The following SHISA9 variants were observed in gnomAD, a reference collection of about 807,000 sequenced individuals.
The protein encoded by SHISA9 is protein shisa-9.
Under a neutral mutation model 38.0 loss-of-function variants are expected in SHISA9, and 13 were observed. The ratio of observed to expected loss-of-function variants is 0.34; its 90% CI spans 0.22 to 0.54. SHISA9 has a LOEUF of 0.54. Among genes scored for constraint, SHISA9 ranks in the 20% least tolerant of loss-of-function variants. SHISA9 has a pLI of 0.91. For missense variants in SHISA9, 538 were observed against 575.8 expected (o/e 0.93, Z 0.67); for synonymous variants, 275 against 242.0 (o/e 1.14, Z -1.27).
the SHISA9 span, among the ~76,000 whole-genome samples, chr16:13,404,974 A>T: frequency 6.6e-6 from 1 of 152,130 alleles, no homozygotes; most frequent in Admixed American, 6.5e-5. Flanking sequence ...AATCCATTCA[A>T]ACGTTACCTC....
At chr16:13,281,784 C>A in the SHISA9 span, among the ~76,000 whole-genome samples, 3 of 151,230 alleles carry the variant, frequency 2.0e-5, no homozygotes, top group Non-Finnish European at 4.4e-5. Context: ...CTTTCTTTTT[C>A]CATTTTTTTC....
the SHISA9 span, among the ~76,000 whole-genome samples, chr16:13,371,625 A>T: frequency 6.6e-6 from 1 of 152,242 alleles, no homozygotes; most frequent in Admixed American, 6.5e-5. Flanking sequence ...AGGATAAAGA[A>T]AAAAGAGTAA....
intron 2 of SHISA9, among the ~76,000 whole-genome samples, chr16:13,175,305 C>A (rs1399409560): frequency 1.3e-5 from 2 of 152,170 alleles, no homozygotes; most frequent in Non-Finnish European, 2.9e-5. Context: ...GGGAGGATCG[C>A]TCAAGTCCAG....
the SHISA9 span, among the ~76,000 whole-genome samples, chr16:13,469,009 G>A: frequency 1.3e-5 from 2 of 151,892 alleles, no homozygotes; most frequent in Non-Finnish European, 2.9e-5. Flanking sequence ...TTGGGAGGCT[G>A]AGGCAGGTGG....
At chr16:13,377,027 T>C in the SHISA9 span, among the ~76,000 whole-genome samples, 3 of 152,116 alleles carry the variant, frequency 2.0e-5, no homozygotes, top group Admixed American at 2.0e-4. Context: ...GGAAAGTTAA[T>C]GAGAAAAAAA....
chr16:12,945,147 CCAGAG>C (rs1197950265), intron 2 of SHISA9, among the ~76,000 whole-genome samples: 1 of 152,126 alleles, frequency 6.6e-6, no homozygotes, highest in African/African-American at 2.4e-5. Flanking sequence ...TGTTTTTTAG[CCAGAG>C]CAAAGTTACC....
chr16:13,270,285 C>A, the SHISA9 span, among the ~76,000 whole-genome samples: 12 of 152,218 alleles, frequency 7.9e-5, no homozygotes, highest in Non-Finnish European at 1.3e-4. Context: ...TAGAATTCTA[C>A]AGACCCAACA....
chr16:13,117,099 A>G (rs894502609), intron 2 of SHISA9, among the ~76,000 whole-genome samples: 3 of 152,080 alleles, frequency 2.0e-5, no homozygotes, highest in African/African-American at 7.2e-5. Flanking sequence ...CAGCCTCCCG[A>G]GTAGCTGGGA....
the SHISA9 span, among the ~76,000 whole-genome samples, chr16:13,322,113 A>T: frequency 6.6e-6 from 1 of 152,246 alleles, no homozygotes; most frequent in Non-Finnish European, 1.5e-5. Context: ...TAATATTGCC[A>T]GCTACGTAGT....
At chr16:13,245,588 A>T in the SHISA9 span, among the ~76,000 whole-genome samples, 4 of 152,274 alleles carry the variant, frequency 2.6e-5, no homozygotes, top group South Asian at 8.3e-4. Context: ...ACCTCACAAA[A>T]TTGTGTTTTA....
intron 4 of SHISA9, among the ~76,000 whole-genome samples, chr16:13,216,419 T>C (rs188217294): frequency 1.3e-5 from 2 of 152,296 alleles, no homozygotes; most frequent in Admixed American, 6.5e-5. Context: ...TGGAAAGTAA[T>C]AAATGCATGC....
intron 3 of SHISA9, among the ~76,000 whole-genome samples, chr16:13,208,085 C>G (rs1247372113): frequency 6.6e-6 from 1 of 152,190 alleles, no homozygotes; most frequent in Non-Finnish European, 1.5e-5. Flanking sequence ...TCTAACTGTA[C>G]TTAGCTGGAT....
chr16:13,331,752 AT>A, the SHISA9 span: 1 of 152,034 alleles, frequency 6.6e-6, no homozygotes, highest in Non-Finnish European at 1.5e-5. Flanking sequence ...CAATGCCACC[AT>A]TTGTTTGCAG....
Position 13,238,815 on chromosome 16 carries a change from T to TTTG in SHISA9, c.*3408_*3409insGTT, listed in dbSNP as rs373980000. 2.2e-5 allele frequency: 3 copies of TTTG among 136,148 alleles called. No individual in the cohort carries two copies. The highest frequency in any genetic ancestry group is 4.7e-5 in the Non-Finnish European group (3 of 63,872). 8.4% of individuals were successfully genotyped at this position (136,148 alleles called of 1,614,324 possible). A position where few individuals can be genotyped will look rare whatever the true frequency, so the allele number is the denominator to read the frequency against. On this transcript the variant is annotated 3_prime_UTR_variant, in exon 5 of 5. Transcript: ENST00000558583. Reference sequence around the variant, plus strand: ...TTTTTTTTAATGTATCCATGGAGTATTTATTATTATTATTATTATTATTAT... The same window carrying TTTG: ...TTTTTTTTAATGTATCCATGGAGTATTTGTTATTATTATTATTATTATTATTAT...
chr16:13,424,357 C>T, the SHISA9 span, among the ~76,000 whole-genome samples: 2 of 152,216 alleles, frequency 1.3e-5, no homozygotes, highest in Non-Finnish European at 2.9e-5. Context: ...CAATGTTGCC[C>T]ACTTCTTGGC....
At chr16:13,299,916 G>A in the SHISA9 span, among the ~76,000 whole-genome samples, 5 of 152,222 alleles carry the variant, frequency 3.3e-5, no homozygotes, top group Admixed American at 6.5e-5. Flanking sequence ...ATACTCTATA[G>A]GGTGACGGTG....
At chr16:13,544,588 A>C in the SHISA9 span, among the ~76,000 whole-genome samples, 1 of 152,044 alleles carries the variant, frequency 6.6e-6, no homozygotes, top group Non-Finnish European at 1.5e-5. Context: ...ATTGCTAAGC[A>C]AAAGGAACAC....
At chr16:13,254,314 A>C in the SHISA9 span, among the ~76,000 whole-genome samples, 1 of 152,202 alleles carries the variant, frequency 6.6e-6, no homozygotes, top group Non-Finnish European at 1.5e-5. Flanking sequence ...ATCTGGTCCA[A>C]AACTTTCCAT....
chr16:13,497,814 C>T, the SHISA9 span, among the ~76,000 whole-genome samples: 1 of 151,638 alleles, frequency 6.6e-6, no homozygotes, highest in African/African-American at 2.4e-5. Context: ...GCACCAGTTA[C>T]CAGTGAAAGA....
Sources: gnomAD v4.1 joint callset for allele counts (sites outside exome capture counted in the v4.1 genomes callset) on GRCh38, gnomAD v4.1.1 for gene constraint, MANE v1.5 for transcripts, NCBI Gene and HGNC (gene_info 2026-07-23, HGNC 2026-07-21) for gene names.